The following PPP6R1 variants were observed in gnomAD, a reference collection of about 807,000 sequenced individuals.
PPP6R1 encodes the protein serine/threonine-protein phosphatase 6 regulatory subunit 1.
Under a neutral mutation model 104.6 loss-of-function variants are expected in PPP6R1, and 39 were observed. The ratio of observed to expected loss-of-function variants is 0.37; its 90% confidence interval spans 0.29 to 0.49. The LOEUF (loss-of-function observed/expected upper bound fraction) is 0.49. Ranked by LOEUF, PPP6R1 falls within the 20% of genes least tolerant of loss-of-function variation. The probability of loss-of-function intolerance (pLI) is 0.98; values close to 1 mark genes in which losing one functional copy is unlikely to be tolerated. For missense variants in PPP6R1, 1,181 were observed against 1,155.8 expected, an observed-to-expected ratio of 1.02 and a Z score of -0.32; for synonymous variants, 549 against 479.0, an observed-to-expected ratio of 1.15 and a Z score of -1.91.
chr19:55,234,101 C>T lies in PPP6R1; in HGVS notation c.1989-1890G>A, dbSNP rs909361927. On this transcript the variant is annotated intron_variant, in intron 17 of 23. Coordinates refer to ENST00000412770, the MANE Select transcript of PPP6R1 (RefSeq NM_014931.4). ...AGTAGCTGGGATTACAGGCACCCACCACAGCCGGCTAATTTTTGTATTTTT... is the reference window on the plus strand; with the variant it reads ...AGTAGCTGGGATTACAGGCACCCACTACAGCCGGCTAATTTTTGTATTTTT... Among the ~76,000 whole-genome samples the T allele has an allele frequency of 1.9e-4, 29 of 152,286 alleles. No individual in the cohort carries two copies. The East Asian group carries it at 2.7e-3, about 14-fold the overall frequency.
chr19:55,247,025 G>A lies in PPP6R1; in HGVS notation c.79C>T (p.Leu27=), dbSNP rs781318168. 3.1e-6 allele frequency: 5 copies of A among 1,613,888 alleles called. No individual in the cohort carries two copies. In the South Asian group the frequency reaches 4.4e-5, roughly 14 times the overall value. The change falls in exon 2 of 24, where the codon CTG becomes TTG. Residue 27 remains leucine (L), a synonymous_variant. Coordinates refer to ENST00000412770, the MANE Select transcript of PPP6R1 (RefSeq NM_014931.4). The part of the protein sequence containing the change: ...LEREDLSLPE[L]LDEEDVLQEC... ...TGCAGCACGTCTTCCTCGTCCAGCA[G>A]CTCGGGCAGGCTCAGGTCCTCCCGC...
At chr19:55,244,990 G>A (rs2087493720) in intron 5 of PPP6R1, 130 bp downstream of exon 5, 8 of 1,348,290 alleles carry the variant, frequency 5.9e-6, no homozygotes, top group Admixed American at 4.0e-5. Context: ...CTCCCACCTC[G>A]CCCTCCCAAA....
At chr19:55,234,553 C>CT (rs1424340432) in intron 17 of PPP6R1, among the ~76,000 whole-genome samples, 1 of 152,142 alleles carries the variant, frequency 6.6e-6, no homozygotes, top group Non-Finnish European at 1.5e-5. Context: ...CTATAAAACT[C>CT]TTAGAAGAAA....
At position 55,245,413 on chromosome 19, in the gene PPP6R1, A is replaced by G; in HGVS notation, c.415-11T>C. The G allele has an allele frequency of 6.2e-7, 1 of 1,613,358 alleles. No individual in the cohort carries two copies. ...AAGAAAGGACACGAGCTGGGGGCACACGGGCTGCGTCATGCACAGGGCCTG... is the reference window on the plus strand; with the variant it reads ...AAGAAAGGACACGAGCTGGGGGCACGCGGGCTGCGTCATGCACAGGGCCTG... On this transcript the variant is annotated splice_polypyrimidine_tract_variant and intron_variant, in intron 3 of 23. Transcript: ENST00000412770. This position sits in a 1 kb window ranked among gnomAD's most constrained non-coding sequence, Gnocchi z 6.4.
rs192013488 is a variant in PPP6R1 at position 55,239,981 on chromosome 19, C to T, written c.1477+18G>A. ...CAAGCCCCCCACCTAGCCCTCAGGC[C>T]GGCCTGGGGACCCTCACCCTTCAGC... On this transcript the variant is annotated intron_variant, in intron 12 of 23. Transcript: ENST00000412770. The T allele has an allele frequency of 1.8e-5, 29 of 1,608,128 alleles. No homozygotes were observed. The highest frequency in any genetic ancestry group is 1.7e-4 in the Middle Eastern group (1 of 6,054).
Position 55,236,713 on chromosome 19 carries a change from C to T in PPP6R1, c.1918G>A (p.Gly640Arg). The T allele has an allele frequency of 6.2e-7, 1 of 1,613,208 alleles. No individual in the cohort carries two copies. Among genetic ancestry groups the T allele is most frequent in the Non-Finnish European group, 8.5e-7 (1 of 1,179,540 alleles). Residue 640 changes from glycine to arginine, a missense_variant, in exon 17 of 24, where the codon GGA becomes AGA. By Grantham distance (125) the Gly-to-Arg change is moderately radical. Transcript: ENST00000412770. ...EEAQGSGESD[G>R]EDGAWQGSQL... Reference sequence around the variant, plus strand: ...CTGCCCTGCCAGGCGCCATCTTCTCCATCAGACTCCCCTGAGCCCTGGGCC... The same window carrying T: ...CTGCCCTGCCAGGCGCCATCTTCTCTATCAGACTCCCCTGAGCCCTGGGCC...
At position 55,241,480 on chromosome 19, in the gene PPP6R1, G is replaced by A; in HGVS notation, c.1005C>T (p.Pro335=). ...GACCAGAACCCACACCCCTGACCTT[G>A]GGAGGCTCCAGCAGGAGCTGGTGGA... ...SCFHQLLLEP[P]KLEPLQMTWG... Residue 335 remains proline, a synonymous_variant, in exon 8 of 24, where the codon CCC becomes CCT. Coordinates refer to ENST00000412770, the MANE Select transcript of PPP6R1 (RefSeq NM_014931.4). The surrounding 1 kb of genome is among the most constrained non-coding windows in gnomAD (Gnocchi z 5.4). The A allele has an allele frequency of 1.2e-6, 2 of 1,603,084 alleles. No homozygotes were observed. The highest frequency in any genetic ancestry group is 1.7e-6 in the Non-Finnish European group (2 of 1,175,026).
Position 55,242,288 on chromosome 19 carries a change from G to T in PPP6R1, c.732-9C>A, listed in dbSNP as rs763851466. On this transcript the variant is annotated splice_polypyrimidine_tract_variant and intron_variant, in intron 6 of 23. Coordinates refer to ENST00000412770, the MANE Select transcript of PPP6R1 (RefSeq NM_014931.4). ...GCTCAATCGTCTCCTGCCTGCGGGG[G>T]CAGGGGCAGGGGTCAGGGTGAGGGG... 1.9e-6 allele frequency: 3 copies of T among 1,613,532 alleles called. No individual in the cohort carries two copies. The highest frequency in any genetic ancestry group is 3.3e-5 in the Admixed American group (2 of 60,030).
At chr19:55,243,404 C>CAAAAAA (rs58375899) in intron 5 of PPP6R1, among the ~76,000 whole-genome samples, 596 of 49,086 alleles carry the variant, frequency 0.012, 4 homozygotes, top group African/African-American at 0.016. Flanking sequence ...GACTCCATCT[C>CAAAAAA]AAAAAAAAAA....
chr19:55,233,357 G>C (rs2087366798), intron 17 of PPP6R1, among the ~76,000 whole-genome samples: 1 of 152,164 alleles, frequency 6.6e-6, no homozygotes, highest in African/African-American at 2.4e-5. Context: ...TGCTTACATG[G>C]CAAAACGCTG....
intron 1 of PPP6R1, among the ~76,000 whole-genome samples, chr19:55,254,648 C>T (rs1322085706): frequency 6.6e-6 from 1 of 152,216 alleles, no homozygotes; most frequent in Non-Finnish European, 1.5e-5. Flanking sequence ...AGGGGGCCTC[C>T]AGAAACAGCT....
rs558125475 is a variant in PPP6R1, at chr19:55,231,448, G to T, written c.2421C>A (p.Thr807=). 13 of 1,607,730 alleles carry T rather than the reference G, an allele frequency of 8.1e-6. No individual in the cohort carries two copies. Among genetic ancestry groups the T allele is most frequent in the Non-Finnish European group, 1.0e-5 (12 of 1,177,642 alleles). ...ALVSIGDLQA[T]FHGIRSAPSS... ...TGGGGGCAGAACGGATCCCGTGGAA[G>T]GTGGCCTGAAGGTCCCCGATGCTAA... is the stretch of plus-strand genomic sequence containing the variant. The change falls in exon 21 of 24, where the codon ACC becomes ACA. Residue 807 remains threonine, a synonymous_variant. Coordinates refer to ENST00000412770, the MANE Select transcript of PPP6R1 (RefSeq NM_014931.4).
Position 55,231,495 on chromosome 19 carries a change from T to TG in PPP6R1, c.2378-5dup. 1.2e-6 allele frequency: 2 copies of TG among 1,606,164 alleles called. No homozygotes were observed. The highest frequency in any genetic ancestry group is 2.2e-5 in the South Asian group (2 of 89,368). On this transcript the variant is annotated splice_region_variant and splice_polypyrimidine_tract_variant and intron_variant, in intron 20 of 23. Transcript: ENST00000412770. ...CTAACCAAGGCCTGGCAAGGGGCTG[T>TG]GGGGGATAAGAGATCTCAGCTGCAG...
At position 55,231,969 on chromosome 19, in the gene PPP6R1, T is replaced by C. The variant is rs908704596; in HGVS notation, c.2139A>G (p.Thr713=). Residue 713 remains threonine (T), a synonymous_variant, in exon 19 of 24, where the codon ACA becomes ACG. Coordinates refer to ENST00000412770, the MANE Select transcript of PPP6R1 (RefSeq NM_014931.4). ...PGPQPPGPSW[T]ATFDPVPTDA... is the part of the protein sequence containing the mutation. ...CTGTAGGCACTGGGTCAAAGGTGGC[T>C]GTCCAGCTGGGGCCTGGGATAGAGG... 6.3e-7 allele frequency: 1 copy of C among 1,598,304 alleles called. No homozygotes were observed. Among genetic ancestry groups the C allele is most frequent in the Non-Finnish European group, 8.6e-7 (1 of 1,169,456 alleles).
rs573758857 is a variant in PPP6R1 at position 55,230,257 on chromosome 19, T to G, written c.*271A>C. 1,049 of 545,848 alleles carry G rather than the reference T, an allele frequency of 1.9e-3. 7 individuals carry two copies. The highest frequency in any genetic ancestry group is 1.9e-3 in the Non-Finnish European group (592 of 304,636). 33.8% of individuals were successfully genotyped at this position (545,848 alleles called of 1,614,324 possible). ...CTCTCCTCCCTCTCTCTATATAATA[T>G]ATAATATATGTTTCTCTCTCTCCAT... On this transcript the variant is annotated 3_prime_UTR_variant, in exon 24 of 24. Coordinates refer to ENST00000412770, the MANE Select transcript of PPP6R1 (RefSeq NM_014931.4).
chr19:55,239,956 C>T (rs766340279), intron 12 of PPP6R1, 43 bp downstream of exon 12: 1 of 1,611,772 alleles, frequency 6.2e-7, no homozygotes. Flanking sequence ...CTCGGGGCTT[C>T]AAGCCCCCCA....
At position 55,239,390 on chromosome 19, in the gene PPP6R1, G is replaced by A. The variant is rs774073135; in HGVS notation, c.1751+15C>T. 11 of 1,606,746 alleles carry A rather than the reference G, an allele frequency of 6.8e-6. No homozygotes were observed. The highest frequency in any genetic ancestry group is 3.3e-5 in the South Asian group (3 of 90,648). ...AGGCAGGACAGGGCTGTGACCCTGC[G>A]CAGGAGACACTCACTTCACACTCTC... On this transcript the variant is annotated intron_variant, in intron 15 of 23. Transcript: ENST00000412770.
In PPP6R1 at chr19:55,231,397, C is replaced by T. The variant is rs1244112320; in HGVS notation, c.2459+13G>A. The T allele has an allele frequency of 5.7e-6, 9 of 1,581,362 alleles. No individual in the cohort carries two copies. In the Admixed American group the frequency reaches 9.0e-5, roughly 16 times the overall value. On this transcript the variant is annotated intron_variant, in intron 21 of 23. Transcript: ENST00000412770. ...CTTCTCCCGATACTAGGCAGCCCCACCTCGCTGCTCACCTGTCCGAGGAGC... is the reference window on the plus strand; with the variant it reads ...CTTCTCCCGATACTAGGCAGCCCCATCTCGCTGCTCACCTGTCCGAGGAGC...
Position 55,245,741 on chromosome 19 carries a change from GC to G in PPP6R1, c.228-64del, listed in dbSNP as rs555891796. The G allele has an allele frequency of 1.7e-4, 227 of 1,345,450 alleles. 1 individual carries two copies. The African/African-American group carries it at 2.9e-3, about 17-fold the overall frequency. 83.3% of individuals were successfully genotyped at this position (1,345,450 alleles called of 1,614,324 possible). On this transcript the variant is annotated intron_variant, in intron 2 of 23. Coordinates refer to ENST00000412770, the MANE Select transcript of PPP6R1 (RefSeq NM_014931.4). The surrounding 1 kb of genome is among the most constrained non-coding windows in gnomAD (Gnocchi z 6.4). ...GAGGCCGGGGGCAGGGGGCGGCAAG[GC>G]TCCACCCTCTTCTCTGCACCGGGCA...
Sources: allele counts gnomAD v4.1 joint callset (sites outside exome capture counted in the v4.1 genomes callset), GRCh38; gene constraint gnomAD v4.1.1; non-coding constraint Gnocchi (gnomAD v3.1); transcripts MANE v1.5; gene names NCBI Gene and HGNC (gene_info 2026-07-23, HGNC 2026-07-21).